Variants in TTC28 observed in about 807,000 individuals in gnomAD.
The protein encoded by TTC28 is tetratricopeptide repeat domain 28, also known as tetratricopeptide repeat protein 28.
In TTC28, 61 loss-of-function variants were observed where a neutral mutation model predicts 198.0. That is an observed-to-expected ratio of 0.31 (90% CI 0.25 to 0.38). TTC28 has a LOEUF of 0.38. Ranked by LOEUF, TTC28 falls within the 10% of genes least tolerant of loss-of-function variation. The pLI is 1.00. For missense variants in TTC28, 2,678 were observed against 3,164.0 expected (o/e 0.85, Z 3.69); for synonymous variants, 1,171 against 1,297.8 (o/e 0.90, Z 2.10).
intron 2 of TTC28, among the ~76,000 whole-genome samples, chr22:28,465,726 A>T (rs962776466): frequency 6.6e-6 from 1 of 152,178 alleles, no homozygotes; most frequent in African/African-American, 2.4e-5. Context: ...GGAGACGTTT[A>T]ATTTTCTCTG....
At chr22:28,283,537 A>G (rs1479465934) in intron 5 of TTC28, among the ~76,000 whole-genome samples, 1 of 152,198 alleles carries the variant, frequency 6.6e-6, no homozygotes, top group Non-Finnish European at 1.5e-5. Flanking sequence ...AAGGAAATCC[A>G]GAAGGCTCAA....
At chr22:28,169,009 G>A (rs1000501608) in intron 5 of TTC28, among the ~76,000 whole-genome samples, 7 of 152,246 alleles carry the variant, frequency 4.6e-5, no homozygotes, top group South Asian at 2.1e-4. Context: ...AAAAGTGGGC[G>A]AAGGACATGA....
intron 2 of TTC28, among the ~76,000 whole-genome samples, chr22:28,434,339 G>A (rs1237678977): frequency 1.3e-5 from 2 of 152,126 alleles, no homozygotes; most frequent in Admixed American, 6.6e-5. Context: ...AGTACCTTCT[G>A]TTTAAGAAGG....
chr22:28,108,339 G>A lies in TTC28; in HGVS notation c.1506C>T (p.Cys502=), dbSNP rs1187204895. The A allele has an allele frequency of 6.6e-7, 1 of 1,508,178 alleles. No homozygotes were observed. Among genetic ancestry groups the A allele is most frequent in the Admixed American group, 2.1e-5 (1 of 47,140 alleles). The allele number at this position is 1,508,178 out of a possible 1,614,324, so 93.4% of individuals were successfully genotyped here. A position where few individuals can be genotyped will look rare whatever the true frequency, so the allele number is the denominator to read the frequency against. Reference sequence around the variant, plus strand: ...CATAATCACTCAGCTCCTGGGCAATGCACAGGTGGGTCTTGTGGAGTTTCA... The same window carrying A: ...CATAATCACTCAGCTCCTGGGCAATACACAGGTGGGTCTTGTGGAGTTTCA... The part of the protein sequence containing the change: ...TALKLHKTHL[C]IAQELSDYAA... Residue 502 remains cysteine, a synonymous_variant, in exon 7 of 23, where the codon TGC becomes TGT. Transcript: ENST00000397906.
At chr22:28,272,105 G>A (rs57490474) in intron 5 of TTC28, among the ~76,000 whole-genome samples, 3,696 of 152,230 alleles carry the variant, frequency 0.024, 180 homozygotes, top group African/African-American at 0.085. Flanking sequence ...AAAATGGACT[G>A]ATACATATAG....
At chr22:28,395,524 C>T (rs1226188965) in intron 2 of TTC28, among the ~76,000 whole-genome samples, 3 of 150,304 alleles carry the variant, frequency 2.0e-5, no homozygotes, top group South Asian at 2.1e-4. Context: ...CCCAGCTACT[C>T]GGGAGGCTGA....
At chr22:28,347,366 T>C (rs915910120) in intron 2 of TTC28, among the ~76,000 whole-genome samples, 16 of 152,100 alleles carry the variant, frequency 1.1e-4, no homozygotes, top group Admixed American at 1.0e-3. Context: ...CTTCTACTCC[T>C]CTCCATTTAT....
At chr22:28,248,312 A>C (rs1180431516) in intron 5 of TTC28, among the ~76,000 whole-genome samples, 1 of 152,156 alleles carries the variant, frequency 6.6e-6, no homozygotes, top group Non-Finnish European at 1.5e-5. Flanking sequence ...CCAGCCTGGA[A>C]ACTAGGGGCC....
intron 1 of TTC28, among the ~76,000 whole-genome samples, chr22:28,638,475 T>C (rs918580898): frequency 1.3e-5 from 2 of 152,106 alleles, no homozygotes. Flanking sequence ...AAAATTTTAA[T>C]GTCTGCATGG....
At chr22:28,133,275 A>T (rs1302147242) in intron 6 of TTC28, among the ~76,000 whole-genome samples, 1 of 152,192 alleles carries the variant, frequency 6.6e-6, no homozygotes, top group African/African-American at 2.4e-5. Context: ...GGATCAGCTC[A>T]GGTCTACACC....
At position 27,982,753 on chromosome 22, in the gene TTC28, T is replaced by C. The variant is rs1184713996; in HGVS notation, c.6914A>G (p.Asn2305Ser). ...CTGGTGGCCGGAGCTTGGGGACATGTTCCTTGGTGATTTGGAAATGTGAGC... is the reference window on the plus strand; with the variant it reads ...CTGGTGGCCGGAGCTTGGGGACATGCTCCTTGGTGATTTGGAAATGTGAGC... Reference protein sequence around the residue: ...YSAHISKSPRNMSPSSGHQSP... With the variant: ...YSAHISKSPRSMSPSSGHQSP... Residue 2305 changes from asparagine (N) to serine (S), a missense_variant, in exon 23 of 23, where the codon AAC becomes AGC. Asn to Ser is a conservative substitution (Grantham distance 46, BLOSUM62 1). Coordinates refer to ENST00000397906, the MANE Select transcript of TTC28 (RefSeq NM_001145418.2). The surrounding 1 kb of genome is among the most constrained non-coding windows in gnomAD (Gnocchi z 5.2). 8 of 1,550,540 alleles carry C rather than the reference T, an allele frequency of 5.2e-6. No homozygotes were observed. The highest frequency in any genetic ancestry group is 7.0e-6 in the Non-Finnish European group (8 of 1,146,338).
At chr22:28,098,783 T>C in intron 10 of TTC28, 132 bp downstream of exon 10, 1 of 1,168,004 alleles carries the variant, frequency 8.6e-7, no homozygotes, top group Non-Finnish European at 1.2e-6. Flanking sequence ...TGGTTGTAGT[T>C]GTGGCTTCAC....
intron 2 of TTC28, among the ~76,000 whole-genome samples, chr22:28,392,928 T>C (rs1330664481): frequency 1.5e-5 from 2 of 129,128 alleles, no homozygotes; most frequent in Non-Finnish European, 3.1e-5. Context: ...CAGGCTAGAG[T>C]GTAGTGGTAT....
chr22:28,081,976 G>T (rs1302649431), intron 12 of TTC28, among the ~76,000 whole-genome samples: 1 of 152,044 alleles, frequency 6.6e-6, no homozygotes, highest in Non-Finnish European at 1.5e-5. Context: ...CCCTTCCTTG[G>T]TTAAGTTTAT....
Position 28,163,555 on chromosome 22 carries a change from G to A in TTC28, c.978C>T (p.Ala326=). ...ALSSLGHVYT[A]IGDYPNALAS... ...CCAGTGCATTGGGGTAGTCTCCAAT[G>A]GCTGTGTACACGTGGCCCAGACTGC... Residue 326 remains alanine (A), a synonymous_variant, in exon 6 of 23, where the codon GCC becomes GCT. Coordinates refer to ENST00000397906, the MANE Select transcript of TTC28 (RefSeq NM_001145418.2). 1 of 1,551,232 alleles carries A rather than the reference G, an allele frequency of 6.4e-7. No homozygotes were observed. Among genetic ancestry groups the A allele is most frequent in the East Asian group, 2.4e-5 (1 of 40,926 alleles).
At chr22:28,335,634 CTGTT>C (rs1186890721) in intron 2 of TTC28, among the ~76,000 whole-genome samples, 2 of 152,046 alleles carry the variant, frequency 1.3e-5, no homozygotes, top group Non-Finnish European at 2.9e-5. Context: ...ATTTGGCTCT[CTGTT>C]TGTCTGTTAT....
intron 2 of TTC28, among the ~76,000 whole-genome samples, chr22:28,539,429 G>T (rs573973680): frequency 2.0e-5 from 3 of 152,024 alleles, no homozygotes; most frequent in African/African-American, 7.2e-5. Flanking sequence ...GAGCCCAGGG[G>T]TTCCAGACCA....
intron 5 of TTC28, among the ~76,000 whole-genome samples, chr22:28,196,017 C>A (rs923649415): frequency 8.6e-5 from 13 of 151,844 alleles, no homozygotes; most frequent in South Asian, 2.1e-4. Context: ...GGAGGCATCA[C>A]GCTACCTGAC....
chr22:28,093,070 T>G (rs559083560), intron 12 of TTC28, among the ~76,000 whole-genome samples: 1 of 152,308 alleles, frequency 6.6e-6, no homozygotes, highest in South Asian at 2.1e-4. Context: ...CAAGTCCTAT[T>G]TCAGTGTTAA....
Sources: allele counts gnomAD v4.1 joint callset (sites outside exome capture counted in the v4.1 genomes callset), GRCh38; gene constraint gnomAD v4.1.1; non-coding constraint Gnocchi (gnomAD v3.1); transcripts MANE v1.5; gene names NCBI Gene and HGNC (gene_info 2026-07-23, HGNC 2026-07-21).